The following B4GALT6 variants were observed in gnomAD, a reference collection of about 807,000 sequenced individuals.
B4GALT6 encodes the protein beta-1,4-galactosyltransferase 6, also known as UDP-Gal:beta-GlcNAc beta-1,4-galactosyltransferase 6.
A neutral mutation model predicts 46.3 loss-of-function variants in B4GALT6; 14 were observed. The observed-to-expected ratio is 0.30, with a 90% CI of 0.20 to 0.47. B4GALT6 has a LOEUF of 0.47. Ranked by LOEUF, B4GALT6 falls within the 20% of genes least tolerant of loss-of-function variation. The pLI, the probability that B4GALT6 is intolerant of heterozygous loss-of-function variation, is 0.99. For missense variants in B4GALT6, 386 were observed against 480.1 expected, an observed-to-expected ratio of 0.80 and a Z score of 1.83; for synonymous variants, 168 against 162.0, an observed-to-expected ratio of 1.04 and a Z score of -0.28.
Position 31,627,125 on chromosome 18 carries a change from GA to G in B4GALT6, c.777-5del, listed in dbSNP as rs765484260. The G allele has an allele frequency of 6.3e-7, 1 of 1,589,290 alleles. No homozygotes were observed. Among genetic ancestry groups the G allele is most frequent in the Non-Finnish European group, 8.5e-7 (1 of 1,171,594 alleles). On this transcript the variant is annotated splice_polypyrimidine_tract_variant and splice_region_variant and intron_variant, in intron 6 of 8. Coordinates refer to ENST00000306851, the MANE Select transcript of B4GALT6 (RefSeq NM_004775.5). ...AAAAAATTCTTTATATGGAAGACTAGAAAAGAAAGACACAGTATTCTAAAAA... is the reference window on the plus strand; with the variant it reads ...AAAAAATTCTTTATATGGAAGACTAGAAAGAAAGACACAGTATTCTAAAAA...
rs909492738 is a variant in B4GALT6 at position 31,684,513 on chromosome 18, T to C, written c.-87A>G. 3 of 1,542,436 alleles carry C rather than the reference T, an allele frequency of 1.9e-6. No individual in the cohort carries two copies. The highest frequency in any genetic ancestry group is 2.5e-5 in the East Asian group (1 of 40,816). On this transcript the variant is annotated 5_prime_UTR_variant, in exon 1 of 9. Transcript: ENST00000306851. Reference sequence around the variant, plus strand: ...AGGCCCTAAACTTCCATAAATGTGCTGAGAACCCCGAGACTGCAGCGGGGT... The same window carrying C: ...AGGCCCTAAACTTCCATAAATGTGCCGAGAACCCCGAGACTGCAGCGGGGT...
intron 1 of B4GALT6, among the ~76,000 whole-genome samples, chr18:31,670,481 C>T (rs2074338470): frequency 6.6e-6 from 1 of 152,188 alleles, no homozygotes; most frequent in Non-Finnish European, 1.5e-5. Flanking sequence ...AATAGAAAAT[C>T]TATTCCTTTA....
intron 1 of B4GALT6, among the ~76,000 whole-genome samples, chr18:31,673,939 GACAC>G (rs749260872): frequency 6.6e-6 from 1 of 150,528 alleles, no homozygotes; most frequent in Non-Finnish European, 1.5e-5. Flanking sequence ...CACACACACA[GACAC>G]ACACACACAC....
intron 3 of B4GALT6, among the ~76,000 whole-genome samples, chr18:31,654,110 T>G (rs1598899658): frequency 6.6e-6 from 1 of 152,202 alleles, no homozygotes; most frequent in African/African-American, 2.4e-5. Context: ...ACTATCAGGG[T>G]TAAACCATAA....
At chr18:31,663,694 T>C (rs1268902019) in intron 2 of B4GALT6, among the ~76,000 whole-genome samples, 1 of 152,206 alleles carries the variant, frequency 6.6e-6, no homozygotes, top group African/African-American at 2.4e-5. Context: ...TTATAGGCCA[T>C]TATCTTCTTT....
At chr18:31,669,476 A>G (rs1246700342) in intron 1 of B4GALT6, among the ~76,000 whole-genome samples, 2 of 151,920 alleles carry the variant, frequency 1.3e-5, no homozygotes, top group Admixed American at 6.6e-5. Flanking sequence ...TTTTTCCTCT[A>G]TTTTTAAATG....
chr18:31,698,684 T>C, the B4GALT6 span, among the ~76,000 whole-genome samples: 1,129 of 149,932 alleles, frequency 7.5e-3, 14 homozygotes, highest in African/African-American at 0.026. Context: ...AAAATTAATA[T>C]AGATTGATGA....
chr18:31,719,531 G>A, the B4GALT6 span, among the ~76,000 whole-genome samples: 2 of 152,174 alleles, frequency 1.3e-5, no homozygotes, highest in Non-Finnish European at 2.9e-5. Context: ...CACCCAATCT[G>A]TTCACCTTGC....
At chr18:31,672,017 G>C (rs530281138) in intron 1 of B4GALT6, among the ~76,000 whole-genome samples, 1 of 152,202 alleles carries the variant, frequency 6.6e-6, no homozygotes, top group Non-Finnish European at 1.5e-5. Context: ...CTTCACTTAA[G>C]AAAATTAAGG....
At chr18:31,690,555 C>T (rs924216675), upstream of B4GALT6, among the ~76,000 whole-genome samples, 45 of 152,004 alleles carry the variant, frequency 3.0e-4, no homozygotes, top group Admixed American at 2.7e-3. Flanking sequence ...CTCTAACCTC[C>T]GCCTCCTGGG....
At chr18:31,683,934 G>A (rs773923812) in intron 1 of B4GALT6, among the ~76,000 whole-genome samples, 21 of 152,088 alleles carry the variant, frequency 1.4e-4, no homozygotes, top group Admixed American at 2.0e-4. Flanking sequence ...TATTATACCC[G>A]AGAGTGTTTG....
At chr18:31,640,994 T>C (rs989613828) in intron 4 of B4GALT6, among the ~76,000 whole-genome samples, 9 of 152,234 alleles carry the variant, frequency 5.9e-5, no homozygotes, top group Admixed American at 1.3e-4. Flanking sequence ...ACATGTAGCT[T>C]AGTAAGTCAA....
chr18:31,674,036 C>T (rs2074387855), intron 1 of B4GALT6, among the ~76,000 whole-genome samples: 1 of 152,198 alleles, frequency 6.6e-6, no homozygotes, highest in Non-Finnish European at 1.5e-5. Flanking sequence ...TTCCCCAGAG[C>T]CTCCAGAGGG....
In B4GALT6 at chr18:31,622,655, G is replaced by A. The variant is rs116203117; in HGVS notation, c.*2959C>T. 0.016 allele frequency: 2,493 copies of A among 151,934 alleles called. 87 individuals are homozygous for A. Among genetic ancestry groups the A allele is most frequent in the African/African-American group, 0.058 (2,398 of 41,462 alleles). 9.4% of individuals were successfully genotyped at this position (151,934 alleles called of 1,614,324 possible). A position where few individuals can be genotyped will look rare whatever the true frequency, so the allele number is the denominator to read the frequency against. ...TATCAGTATCTTGGCTGGCAAAAGG[G>A]TATATAAGGAAATTTTTAATACATA... On this transcript the variant is annotated 3_prime_UTR_variant, in exon 9 of 9. Transcript: ENST00000306851.
At chr18:31,674,494 G>A (rs1055489121) in intron 1 of B4GALT6, among the ~76,000 whole-genome samples, 21 of 152,114 alleles carry the variant, frequency 1.4e-4, no homozygotes, top group African/African-American at 5.1e-4. Flanking sequence ...ACGGAACACT[G>A]GAAATAATAT....
intron 1 of B4GALT6, among the ~76,000 whole-genome samples, chr18:31,674,382 C>T (rs990031257): frequency 6.6e-6 from 1 of 152,006 alleles, no homozygotes; most frequent in African/African-American, 2.4e-5. Context: ...GGGAAGTGAA[C>T]ATATGAGAGA....
the B4GALT6 span, among the ~76,000 whole-genome samples, chr18:31,705,763 T>G: frequency 6.6e-6 from 1 of 152,370 alleles, no homozygotes; most frequent in Non-Finnish European, 1.5e-5. Context: ...AATTTTATGG[T>G]AACTTGTATT....
At chr18:31,629,574 G>T (rs2073752376) in intron 6 of B4GALT6, among the ~76,000 whole-genome samples, 1 of 147,898 alleles carries the variant, frequency 6.8e-6, no homozygotes, top group Non-Finnish European at 1.5e-5. Flanking sequence ...TTGTTGCCGG[G>T]CACGGTGGCT....
the B4GALT6 span, among the ~76,000 whole-genome samples, chr18:31,718,051 C>T: frequency 2.6e-5 from 4 of 151,778 alleles, no homozygotes; most frequent in South Asian, 8.3e-4. Flanking sequence ...AAACTGGTTA[C>T]TAACATTTTA....
Sources: gnomAD v4.1 joint callset for allele counts (sites outside exome capture counted in the v4.1 genomes callset) on GRCh38, gnomAD v4.1.1 for gene constraint, MANE v1.5 for transcripts, NCBI Gene and HGNC (gene_info 2026-07-23, HGNC 2026-07-21) for gene names.